TTYH3: variants seen among roughly 807,000 people sequenced by gnomAD.
TTYH3 encodes protein tweety homolog 3.
TTYH3 carries 23 observed loss-of-function variants against 68.2 expected under a neutral mutation model. The ratio of observed to expected loss-of-function variants is 0.34; its 90% CI spans 0.24 to 0.48. The LOEUF (loss-of-function observed/expected upper bound fraction) is 0.48. Among genes scored for constraint, TTYH3 ranks in the 20% least tolerant of loss-of-function variants. The pLI is 0.99. For missense variants in TTYH3, 768 were observed against 727.7 expected (o/e 1.06, Z -0.64); for synonymous variants, 360 against 332.8 (o/e 1.08, Z -0.89).
In TTYH3 at chr7:2,632,138, A is replaced by C; in HGVS notation, c.-18A>C. ...CCCCGCGCAGGCCGCGCGCATCCGG[A>C]GGCGGCCGGGCCCCGCCATGGCCGG... On this transcript the variant is annotated 5_prime_UTR_variant, in exon 1 of 14. Transcript: ENST00000258796. 7.2e-7 allele frequency: 1 copy of C among 1,391,272 alleles called. No individual in the cohort carries two copies. The highest frequency in any genetic ancestry group is 9.4e-7 in the Non-Finnish European group (1 of 1,062,312). The allele number at this position is 1,391,272 out of a possible 1,614,324, so 86.2% of individuals were successfully genotyped here.
At position 2,645,094 on chromosome 7, in the gene TTYH3, C is replaced by T. The variant is rs993383788; in HGVS notation, c.124-1759C>T. ...GCAGGTGTGCCTGGTGGCCACCCCA[C>T]AACACTGAGGGCCCCAGCTGCTGAC... On this transcript the variant is annotated intron_variant, in intron 1 of 13. Coordinates refer to ENST00000258796, the MANE Select transcript of TTYH3 (RefSeq NM_025250.3). The surrounding 1 kb of genome is among the most constrained non-coding windows in gnomAD (Gnocchi z 4.8). Among the ~76,000 whole-genome samples, 2 of 149,174 alleles carry T rather than the reference C, an allele frequency of 1.3e-5. No homozygotes were observed. Among genetic ancestry groups the T allele is most frequent in the Non-Finnish European group, 3.0e-5 (2 of 67,444 alleles).
intron 1 of TTYH3, among the ~76,000 whole-genome samples, chr7:2,637,017 G>T (rs890622654): frequency 1.3e-5 from 2 of 152,074 alleles, no homozygotes; most frequent in African/African-American, 4.8e-5. Context: ...TGGATGTTGG[G>T]GTGGTTATTC....
chr7:2,636,293 C>T (rs371850437), intron 1 of TTYH3, among the ~76,000 whole-genome samples: 23 of 152,188 alleles, frequency 1.5e-4, no homozygotes, highest in East Asian at 5.8e-4. Context: ...GGTCGCCTGT[C>T]GCCTGTCTTG....
Position 2,647,264 on chromosome 7 carries a change from G to T in TTYH3, c.405+11G>T, listed in dbSNP as rs770112221. The stretch of plus-strand genomic sequence containing the variant: ...GGGGTCCAGGACCGCGTGAGTGGCC[G>T]CGGAGTTGGGGCCAGGAGCACTCTT... On this transcript the variant is annotated intron_variant, in intron 3 of 13. Coordinates refer to ENST00000258796, the MANE Select transcript of TTYH3 (RefSeq NM_025250.3). 1 of 1,568,760 alleles carries T rather than the reference G, an allele frequency of 6.4e-7. No homozygotes were observed. Among genetic ancestry groups the T allele is most frequent in the Non-Finnish European group, 8.6e-7 (1 of 1,162,482 alleles).
At position 2,644,042 on chromosome 7, in the gene TTYH3, C is replaced by T. The variant is rs147692202; in HGVS notation, c.124-2811C>T. Among the ~76,000 whole-genome samples, 469 of 152,254 alleles carry T rather than the reference C, an allele frequency of 3.1e-3. 3 individuals carry two copies. The highest frequency in any genetic ancestry group is 0.011 in the African/African-American group (440 of 41,548). ...GCAAGTGGAGAGCAGAGGGAGGGCT[C>T]GCTGGAGGAGTCTGACCAGCCCGGG... On this transcript the variant is annotated intron_variant, in intron 1 of 13. Transcript: ENST00000258796.
chr7:2,641,022 G>A lies in TTYH3; in HGVS notation c.124-5831G>A, dbSNP rs572694097. Among the ~76,000 whole-genome samples the A allele has an allele frequency of 4.7e-4, 72 of 152,318 alleles. 1 individual carries two copies. The South Asian group carries it at 7.2e-3, about 15-fold the overall frequency. ...AGATGGCCTGTGTATGGGGACAATGGGGCTTCCCTGAAGGGGAAGGCTCCA... is the reference window on the plus strand; with the variant it reads ...AGATGGCCTGTGTATGGGGACAATGAGGCTTCCCTGAAGGGGAAGGCTCCA... On this transcript the variant is annotated intron_variant, in intron 1 of 13. Coordinates refer to ENST00000258796, the MANE Select transcript of TTYH3 (RefSeq NM_025250.3).
Position 2,647,015 on chromosome 7 carries a change from G to C in TTYH3, c.286G>C (p.Val96Leu), listed in dbSNP as rs1476309403. 1.3e-6 allele frequency: 2 copies of C among 1,568,784 alleles called. No individual in the cohort carries two copies. The highest frequency in any genetic ancestry group is 1.7e-6 in the Non-Finnish European group (2 of 1,161,552). The change falls in exon 2 of 14, where the codon GTG (valine) becomes CTG (leucine). Residue 96 changes from valine to leucine, a missense_variant. Transcript: ENST00000258796. ...CTGGTGTGTCATCATCGCCACGCTGGTGTGCAGGTGAGCGCGGTGGGGCGG... is the reference window on the plus strand; with the variant it reads ...CTGGTGTGTCATCATCGCCACGCTGCTGTGCAGGTGAGCGCGGTGGGGCGG... ...TAWCVIIATL[V>L]CSAGIAVGFY...
chr7:2,659,442 T>G (rs1012856729), intron 13 of TTYH3, among the ~76,000 whole-genome samples: 21 of 152,218 alleles, frequency 1.4e-4, no homozygotes, highest in African/African-American at 5.1e-4. Flanking sequence ...CTTCTGGACC[T>G]GTGGGGTGCC....
chr7:2,640,279 A>T (rs112039413), intron 1 of TTYH3, among the ~76,000 whole-genome samples: 1,790 of 152,258 alleles, frequency 0.012, 61 homozygotes, highest in African/African-American at 0.041. Context: ...TCCTCAGCCC[A>T]GCCACGCGCC....
chr7:2,658,116 G>T (rs1290680032), intron 11 of TTYH3, among the ~76,000 whole-genome samples, 170 bp from the exon 12 acceptor site: 1 of 152,254 alleles, frequency 6.6e-6, no homozygotes, highest in African/African-American at 2.4e-5. Flanking sequence ...CAAGGGCAGG[G>T]CTGGATGCAG....
At chr7:2,661,457 C>CCCTCAG (rs1282280349) in intron 13 of TTYH3, among the ~76,000 whole-genome samples, 1 of 152,136 alleles carries the variant, frequency 6.6e-6, no homozygotes, top group Non-Finnish European at 1.5e-5. Flanking sequence ...GGCTGCCCCT[C>CCCTCAG]CCTCAGCCTC....
intron 8 of TTYH3, 108 bp downstream of exon 8, chr7:2,652,350 G>A: frequency 2.2e-6 from 2 of 929,280 alleles, no homozygotes; most frequent in South Asian, 1.4e-5. Context: ...CTGCAGGACT[G>A]GGGAACTGGG....
rs545829217 is a variant in TTYH3, at chr7:2,648,760, G to A, written c.722+706G>A. 1.3e-4 allele frequency among the ~76,000 whole-genome samples: 19 copies of A among 151,898 alleles called. 1 individual carries two copies. Among genetic ancestry groups the A allele is most frequent in the African/African-American group, 4.4e-4 (18 of 41,378 alleles). On this transcript the variant is annotated intron_variant, in intron 5 of 13. Transcript: ENST00000258796. ...TGAAGGCCTGCAGTAGGGTGGTGGG[G>A]GGGGGTGCAGCTTCACGCTGTGCCC...
intron 7 of TTYH3, among the ~76,000 whole-genome samples, chr7:2,650,587 A>C (rs1268986506): frequency 3.9e-5 from 6 of 151,996 alleles, no homozygotes; most frequent in Non-Finnish European, 8.8e-5. Flanking sequence ...TCAAAAAAAA[A>C]AAGTAGAGCC....
chr7:2,660,470 G>A (rs1357910143), intron 13 of TTYH3: 2 of 985,434 alleles, frequency 2.0e-6, no homozygotes, highest in Non-Finnish European at 1.2e-6. Context: ...CGGCGAGCAC[G>A]TGAGCTTCTC....
At chr7:2,653,413 A>T (rs988489942) in intron 9 of TTYH3, among the ~76,000 whole-genome samples, 1 of 152,248 alleles carries the variant, frequency 6.6e-6, no homozygotes, top group Non-Finnish European at 1.5e-5. Flanking sequence ...ATTTAAAAAA[A>T]TTGAAGAAAA....
At chr7:2,661,607 G>A (rs1188156634) in intron 13 of TTYH3, 61 bp from the exon 14 acceptor site, 24 of 1,540,014 alleles carry the variant, frequency 1.6e-5, no homozygotes, top group South Asian at 4.6e-5. Context: ...CGCGGAAGGC[G>A]CCCCTGGCTG....
At chr7:2,647,839 G>T (rs779345441) in intron 4 of TTYH3, 120 bp from the exon 5 acceptor site, 1 of 1,225,080 alleles carries the variant, frequency 8.2e-7, no homozygotes, top group Non-Finnish European at 1.2e-6. Flanking sequence ...TGACCCAGAC[G>T]CTCTGAATGC....
At chr7:2,647,345 C>T (rs921548915) in intron 3 of TTYH3, 73 bp from the exon 4 acceptor site, 6 of 1,500,986 alleles carry the variant, frequency 4.0e-6, no homozygotes, top group Admixed American at 2.1e-5. Flanking sequence ...GGGACTGGGG[C>T]TGTGCAGGAG....
Sources: gnomAD v4.1 joint callset for allele counts (sites outside exome capture counted in the v4.1 genomes callset) on GRCh38, gnomAD v4.1.1 for gene constraint, Gnocchi (gnomAD v3.1) non-coding constraint, MANE v1.5 for transcripts, NCBI Gene and HGNC (gene_info 2026-07-23, HGNC 2026-07-21) for gene names.